The following UNC13C variants were observed in gnomAD, a reference collection of about 807,000 sequenced individuals.
The protein encoded by UNC13C is unc-13 homolog C.
Under a neutral mutation model 245.4 loss-of-function variants are expected in UNC13C, and 174 were observed. That is an observed-to-expected ratio of 0.71 (90% CI 0.63 to 0.80). The LOEUF (loss-of-function observed/expected upper bound fraction) is 0.80, where lower values mean the gene tolerates loss of function less well. Among genes scored for constraint, UNC13C ranks in the 30% least tolerant of loss-of-function variants. UNC13C has a pLI of 0.00. For synonymous variants in UNC13C, 992 were observed against 895.1 expected, an observed-to-expected ratio of 1.11 and a Z score of -1.93; for missense variants, 2,829 against 2,602.9, an observed-to-expected ratio of 1.09 and a Z score of -1.89.
downstream of UNC13C, chr15:54,633,146 CAA>C (rs1901487563): frequency 1.3e-5 from 2 of 151,528 alleles, no homozygotes; most frequent in African/African-American, 4.9e-5. Flanking sequence ...ACCTGGGCAA[CAA>C]GAGCAAAACT....
intron 18 of UNC13C, among the ~76,000 whole-genome samples, chr15:54,401,756 C>T (rs769917305): frequency 4.6e-5 from 7 of 151,996 alleles, no homozygotes; most frequent in Non-Finnish European, 1.0e-4. Flanking sequence ...CACTCTTCAG[C>T]GCTGCCTTAA....
intron 17 of UNC13C, among the ~76,000 whole-genome samples, chr15:54,364,635 A>G (rs1490920232): frequency 2.0e-5 from 3 of 152,230 alleles, no homozygotes; most frequent in Non-Finnish European, 4.4e-5. Flanking sequence ...TTTTGTTGGA[A>G]CAAACTCACA....
intron 4 of UNC13C, among the ~76,000 whole-genome samples, chr15:54,204,792 T>C (rs2034655615): frequency 6.6e-6 from 1 of 151,938 alleles, no homozygotes; most frequent in Admixed American, 6.6e-5. Flanking sequence ...TAGTTAACTT[T>C]GGAGGAGAGG....
intron 19 of UNC13C, among the ~76,000 whole-genome samples, chr15:54,449,215 C>A (rs1020526437): frequency 6.6e-6 from 1 of 152,098 alleles, no homozygotes; most frequent in Non-Finnish European, 1.5e-5. Flanking sequence ...AAATTTTTTC[C>A]TTCATTTCAA....
the UNC13C span, among the ~76,000 whole-genome samples, chr15:53,932,350 C>T: frequency 6.6e-6 from 1 of 151,564 alleles, no homozygotes; most frequent in Admixed American, 6.6e-5. Flanking sequence ...ACAAACAGTG[C>T]TGACCTCAGG....
the UNC13C span, among the ~76,000 whole-genome samples, chr15:53,967,354 T>G: frequency 0.4 from 60,773 of 151,400 alleles, 12,539 homozygotes; most frequent in Middle Eastern, 0.48. Flanking sequence ...GTTTTGTTTT[T>G]TTTCGAATCG....
At chr15:54,101,842 C>A (rs11071039) in intron 2 of UNC13C, among the ~76,000 whole-genome samples, 72,255 of 151,534 alleles carry the variant, frequency 0.48, 20,079 homozygotes, top group East Asian at 0.62. Context: ...CCTTGGCCTC[C>A]CAAAGTGCTG....
At chr15:54,152,182 A>AT (rs754456546) in intron 4 of UNC13C, among the ~76,000 whole-genome samples, 116 of 151,958 alleles carry the variant, frequency 7.6e-4, no homozygotes, top group Middle Eastern at 3.4e-3. Flanking sequence ...CTCATTCACA[A>AT]TTTTTTTTCT....
At chr15:54,335,097 A>T (rs2038538753) in intron 16 of UNC13C, among the ~76,000 whole-genome samples, 1 of 152,088 alleles carries the variant, frequency 6.6e-6, no homozygotes, top group African/African-American at 2.4e-5. Flanking sequence ...CTTTTTTAGT[A>T]TTGATGAGCC....
At chr15:54,600,197 T>C (rs958323129) in intron 30 of UNC13C, among the ~76,000 whole-genome samples, 3 of 152,042 alleles carry the variant, frequency 2.0e-5, no homozygotes, top group African/African-American at 7.2e-5. Flanking sequence ...TGGTAGCACA[T>C]ATTTGTGTCA....
At chr15:54,048,913 A>G (rs1897156012) in intron 2 of UNC13C, 2 of 265,870 alleles carry the variant, frequency 7.5e-6, no homozygotes, top group South Asian at 9.3e-5. Flanking sequence ...ATATTGGAAT[A>G]ATACCACACT....
At chr15:54,607,751 AG>A (rs1899847407) in intron 30 of UNC13C, among the ~76,000 whole-genome samples, 1 of 152,088 alleles carries the variant, frequency 6.6e-6, no homozygotes. Context: ...GACAAAGGGA[AG>A]GGGGAGGTGC....
intron 19 of UNC13C, among the ~76,000 whole-genome samples, chr15:54,451,382 T>C (rs970241271): frequency 2.6e-5 from 4 of 152,138 alleles, no homozygotes; most frequent in Non-Finnish European, 5.9e-5. Flanking sequence ...TTTTTATTTT[T>C]TGTTCTCCTT....
At chr15:54,220,232 G>A (rs950437100) in intron 4 of UNC13C, among the ~76,000 whole-genome samples, 1 of 150,666 alleles carries the variant, frequency 6.6e-6, no homozygotes. Flanking sequence ...TTAAGAAAAT[G>A]TGGCACATAT....
At chr15:53,854,181 C>T in the UNC13C span, among the ~76,000 whole-genome samples, 3 of 140,178 alleles carry the variant, frequency 2.1e-5, no homozygotes, top group African/African-American at 5.3e-5. Flanking sequence ...AGTGCAGTGG[C>T]GCAATCTTGG....
chr15:53,931,876 C>T, the UNC13C span, among the ~76,000 whole-genome samples: 92 of 152,200 alleles, frequency 6.0e-4, no homozygotes, highest in Non-Finnish European at 1.1e-3. Flanking sequence ...ATATCGTAGG[C>T]ATGAAATCAT....
chr15:53,943,202 C>T, the UNC13C span, among the ~76,000 whole-genome samples: 1 of 152,166 alleles, frequency 6.6e-6, no homozygotes, highest in African/African-American at 2.4e-5. Flanking sequence ...CACTGATTGG[C>T]AGTGCTGCTT....
At chr15:54,028,227 C>A (rs1333729763) in intron 2 of UNC13C, among the ~76,000 whole-genome samples, 1 of 152,098 alleles carries the variant, frequency 6.6e-6, no homozygotes, top group African/African-American at 2.4e-5. Flanking sequence ...CTATTTTCTC[C>A]TTTTATTAGC....
chr15:54,092,044 G>T (rs570902736), intron 2 of UNC13C, among the ~76,000 whole-genome samples: 1 of 152,186 alleles, frequency 6.6e-6, no homozygotes, highest in Admixed American at 6.5e-5. Context: ...ATTTGAACAC[G>T]GATCCCCTCT....
Sources: gnomAD v4.1 joint callset for allele counts (sites outside exome capture counted in the v4.1 genomes callset) on GRCh38, gnomAD v4.1.1 for gene constraint, MANE v1.5 for transcripts, NCBI Gene and HGNC (gene_info 2026-07-23, HGNC 2026-07-21) for gene names.